Variants in PIWIL4 observed in about 807,000 individuals in gnomAD.
PIWIL4 encodes piwi like RNA-mediated gene silencing 4, also known as piwi-like protein 4.
Under a neutral mutation model 100.9 loss-of-function variants are expected in PIWIL4, and 50 were observed. The ratio of observed to expected loss-of-function variants is 0.50; its 90% CI spans 0.39 to 0.63. PIWIL4 has a LOEUF of 0.63. PIWIL4 is among the 20% of genes least tolerant of loss of function. The pLI is 0.00. For missense variants in PIWIL4, 887 were observed against 1,043.3 expected, an observed-to-expected ratio of 0.85 and a Z score of 2.06; for synonymous variants, 342 against 367.5, an observed-to-expected ratio of 0.93 and a Z score of 0.79.
At chr11:94,619,396 C>T (rs1192617157) in intron 17 of PIWIL4, among the ~76,000 whole-genome samples, 29 of 152,020 alleles carry the variant, frequency 1.9e-4, no homozygotes, top group Non-Finnish European at 1.5e-5. Flanking sequence ...AGAGGAAGAG[C>T]GAAGGGGAAA....
At chr11:94,608,856 G>C (rs945425550) in intron 15 of PIWIL4, among the ~76,000 whole-genome samples, 170 bp downstream of exon 15, 5 of 152,074 alleles carry the variant, frequency 3.3e-5, no homozygotes, top group African/African-American at 1.2e-4. Context: ...ATAATATTGG[G>C]GTACTATGTA....
chr11:94,586,189 G>A (rs544074839), intron 6 of PIWIL4, among the ~76,000 whole-genome samples: 1 of 151,838 alleles, frequency 6.6e-6, no homozygotes, highest in South Asian at 2.1e-4. Context: ...GAGTGTCAGC[G>A]TGCTCTCTAT....
At chr11:94,567,675 C>A in intron 1 of PIWIL4, 70 bp downstream of exon 1, 1 of 1,441,574 alleles carries the variant, frequency 6.9e-7, no homozygotes, top group Non-Finnish European at 9.3e-7. Flanking sequence ...ACAATGCCTT[C>A]CTCTGCATGT....
chr11:94,593,527 A>G lies in PIWIL4; in HGVS notation c.1036A>G (p.Ile346Val). The G allele has an allele frequency of 1.2e-6, 2 of 1,613,378 alleles. No individual in the cohort carries two copies. Among genetic ancestry groups the G allele is most frequent in the South Asian group, 1.1e-5 (1 of 91,050 alleles). The change falls in exon 9 of 20, where the codon ATT becomes GTT. Residue 346 changes from isoleucine to valine, a missense_variant. Coordinates refer to ENST00000299001, the MANE Select transcript of PIWIL4 (RefSeq NM_152431.3). ...YVDYYKQQYDITVSDLNQPML... is the reference protein window; with the variant it reads ...YVDYYKQQYDVTVSDLNQPML... ...ATCTTGCATTTTATAGCAGTATGAT[A>G]TTACTGTATCGGACCTGAATCAGCC...
At chr11:94,573,143 C>T (rs1948183400) in intron 2 of PIWIL4, among the ~76,000 whole-genome samples, 1 of 152,062 alleles carries the variant, frequency 6.6e-6, no homozygotes, top group Admixed American at 6.6e-5. Flanking sequence ...GATTTTGTGG[C>T]CTGAGACTTT....
chr11:94,585,664 GT>G (rs1262807605), intron 6 of PIWIL4, 139 bp downstream of exon 6: 2 of 596,050 alleles, frequency 3.4e-6, no homozygotes, highest in Non-Finnish European at 2.6e-6. Flanking sequence ...TAATTTTCAA[GT>G]TTTTTTAATA....
chr11:94,569,869 C>T (rs1238946903), intron 2 of PIWIL4, among the ~76,000 whole-genome samples: 2 of 151,992 alleles, frequency 1.3e-5, no homozygotes, highest in Non-Finnish European at 2.9e-5. Context: ...GTACATTATT[C>T]AGATGATGGT....
In PIWIL4 at chr11:94,567,496, G is replaced by A; in HGVS notation, c.-23G>A. 2 of 1,533,728 alleles carry A rather than the reference G, an allele frequency of 1.3e-6. No individual in the cohort carries two copies. Among genetic ancestry groups the A allele is most frequent in the Non-Finnish European group, 1.8e-6 (2 of 1,135,628 alleles). ...TAACTGAGACTTTGCAGCTCTTGTG[G>A]CCACTCTGGGCTCACCGGGAACATG... On this transcript the variant is annotated 5_prime_UTR_variant, in exon 1 of 20. Transcript: ENST00000299001.
At chr11:94,608,976 G>A (rs1212124990) in intron 15 of PIWIL4, among the ~76,000 whole-genome samples, 2 of 152,204 alleles carry the variant, frequency 1.3e-5, no homozygotes, top group Non-Finnish European at 2.9e-5. Context: ...CTGAGTGTCT[G>A]CACCATATTG....
At chr11:94,569,132 T>C (rs1015768515) in intron 2 of PIWIL4, among the ~76,000 whole-genome samples, 1 of 152,214 alleles carries the variant, frequency 6.6e-6, no homozygotes, top group Non-Finnish European at 1.5e-5. Flanking sequence ...ACCCCACTGC[T>C]GGGTATCTAC....
At chr11:94,598,661 CAATG>C (rs372152793) in intron 11 of PIWIL4, among the ~76,000 whole-genome samples, 1 of 148,178 alleles carries the variant, frequency 6.7e-6, no homozygotes, top group African/African-American at 2.5e-5. Flanking sequence ...TATAATTGAA[CAATG>C]AATGTATCAT....
chr11:94,616,552 T>C lies in PIWIL4; in HGVS notation c.2003T>C (p.Val668Ala). ...TMTDVADCLK[V>A]FMTGALNKWY... is the part of the protein sequence containing the mutation. ...ACTGATGTTGCAGATTGCTTGAAAG[T>C]TTTCATGACTGGTACTAAAAATATA... is the stretch of plus-strand genomic sequence containing the variant. The change falls in exon 16 of 20, where the codon GTT becomes GCT. Residue 668 changes from valine (V) to alanine (A), a missense_variant. Coordinates refer to ENST00000299001, the MANE Select transcript of PIWIL4 (RefSeq NM_152431.3). 1 of 1,607,154 alleles carries C rather than the reference T, an allele frequency of 6.2e-7. No individual in the cohort carries two copies. Among genetic ancestry groups the C allele is most frequent in the Non-Finnish European group, 8.5e-7 (1 of 1,176,934 alleles).
intron 15 of PIWIL4, among the ~76,000 whole-genome samples, chr11:94,616,274 C>T (rs899408293): frequency 6.6e-6 from 1 of 152,158 alleles, no homozygotes; most frequent in African/African-American, 2.4e-5. Flanking sequence ...GGATTTGAAG[C>T]TCGATATGGC....
At chr11:94,592,478 T>A (rs1304602734) in intron 8 of PIWIL4, among the ~76,000 whole-genome samples, 1 of 152,242 alleles carries the variant, frequency 6.6e-6, no homozygotes, top group Non-Finnish European at 1.5e-5. Flanking sequence ...AATGGAGTCA[T>A]GCATACAAAC....
In PIWIL4 at chr11:94,603,819, G is replaced by A. The variant is rs189033764; in HGVS notation, c.1566-165G>A. On this transcript the variant is annotated intron_variant, in intron 12 of 19. Coordinates refer to ENST00000299001, the MANE Select transcript of PIWIL4 (RefSeq NM_152431.3). Reference sequence around the variant, plus strand: ...TTGCGAAATGTTTTTGTCATATTTTGTAGTTTAAGAAACAATTTTAGACTC... The same window carrying A: ...TTGCGAAATGTTTTTGTCATATTTTATAGTTTAAGAAACAATTTTAGACTC... Among the ~76,000 whole-genome samples the A allele has an allele frequency of 2.1e-3, 316 of 152,148 alleles. 3 individuals are homozygous for A. The highest frequency in any genetic ancestry group is 3.4e-3 in the Middle Eastern group (1 of 294).
intron 12 of PIWIL4, 98 bp from the exon 13 acceptor site, chr11:94,603,886 T>C: frequency 1.4e-6 from 1 of 729,952 alleles, no homozygotes; most frequent in Non-Finnish European, 2.2e-6. Context: ...AAACTACTAG[T>C]TTGTTATGAA....
intron 8 of PIWIL4, among the ~76,000 whole-genome samples, chr11:94,592,476 C>T (rs1033809500): frequency 6.6e-6 from 1 of 152,198 alleles, no homozygotes; most frequent in Non-Finnish European, 1.5e-5. Flanking sequence ...TTAATGGAGT[C>T]ATGCATACAA....
At chr11:94,573,014 A>T (rs770524214) in intron 2 of PIWIL4, among the ~76,000 whole-genome samples, 20 of 152,150 alleles carry the variant, frequency 1.3e-4, no homozygotes, top group Non-Finnish European at 2.4e-4. Context: ...CATCCCTGTA[A>T]GTTGGATTCC....
chr11:94,602,658 A>G (rs1948659141), intron 12 of PIWIL4, among the ~76,000 whole-genome samples: 1 of 152,254 alleles, frequency 6.6e-6, no homozygotes, highest in Admixed American at 6.5e-5. Flanking sequence ...AAAGTTGGTC[A>G]TGCCTCATTT....
Sources: allele counts gnomAD v4.1 joint callset (sites outside exome capture counted in the v4.1 genomes callset), GRCh38; gene constraint gnomAD v4.1.1; transcripts MANE v1.5; gene names NCBI Gene and HGNC (gene_info 2026-07-23, HGNC 2026-07-21).